HHIPL2: variants seen among roughly 807,000 people sequenced by gnomAD.
HHIPL2 encodes the protein HHIP-like protein 2.
A neutral mutation model predicts 61.0 loss-of-function variants in HHIPL2; 61 were observed. The ratio of observed to expected loss-of-function variants is 1.00; its 90% CI spans 0.81 to 1.24. HHIPL2 has a LOEUF of 1.24. Ranked by LOEUF, HHIPL2 falls within the 50% of genes most tolerant of loss-of-function variation. The pLI, the probability that HHIPL2 is intolerant of heterozygous loss-of-function variation, is 0.00. For synonymous variants in HHIPL2, 343 were observed against 357.4 expected (o/e 0.96, Z 0.45); for missense variants, 885 against 910.2 (o/e 0.97, Z 0.36).
intron 7 of HHIPL2, chr1:222,523,941 G>A (rs893567568): frequency 2.0e-5 from 10 of 500,790 alleles, no homozygotes; most frequent in African/African-American, 1.9e-4. Context: ...GGGCATGGTG[G>A]CAGTCAAAAC....
chr1:222,538,776 T>A lies in HHIPL2; in HGVS notation c.1451-2A>T, dbSNP rs1157261378. The stretch of plus-strand genomic sequence containing the variant: ...AAGCATAGATTGGCAGAACATCATC[T>A]GTCCAGGAGAGAGGAAAGAGAGTGA... On this transcript the variant is annotated splice_acceptor_variant, in intron 4 of 8. Transcript: ENST00000343410. LOFTEE classifies it high-confidence loss of function. 13 of 1,613,460 alleles carry A rather than the reference T, an allele frequency of 8.1e-6. No homozygotes were observed. Among genetic ancestry groups the A allele is most frequent in the Non-Finnish European group, 1.0e-5 (12 of 1,179,900 alleles).
At position 222,547,818 on chromosome 1, in the gene HHIPL2, C is replaced by T. The variant is rs61740543; in HGVS notation, c.227G>A (p.Arg76His). The T allele has an allele frequency of 1.7e-3, 2,696 of 1,614,166 alleles. 21 individuals carry two copies. The African/African-American group carries it at 0.021, about 12-fold the overall frequency. Residue 76 changes from arginine to histidine, a missense_variant, in exon 1 of 9, where the codon CGC (arginine) becomes CAC (histidine). Coordinates refer to ENST00000343410, the MANE Select transcript of HHIPL2 (RefSeq NM_024746.4). ...GTCCCAGTACCGGGCAGCGATGCGG[C>T]GGTCCTTGTGCTGATCACAGCAGCC... ...SFGCCDQHKD[R>H]RIAARYWDIM...
chr1:222,531,114 C>A (rs1571767362), intron 6 of HHIPL2, among the ~76,000 whole-genome samples: 2 of 152,240 alleles, frequency 1.3e-5, no homozygotes, highest in South Asian at 4.2e-4. Context: ...TTAACACGTG[C>A]CTAGTCTGTC....
At chr1:222,533,952 T>G (rs1659245396) in intron 5 of HHIPL2, among the ~76,000 whole-genome samples, 1 of 152,134 alleles carries the variant, frequency 6.6e-6, no homozygotes, top group African/African-American at 2.4e-5. Flanking sequence ...ATCAGTATAC[T>G]CAACAGCAGA....
chr1:222,538,520 G>T, intron 5 of HHIPL2, 128 bp downstream of exon 5: 1 of 820,220 alleles, frequency 1.2e-6, no homozygotes. Flanking sequence ...GTGGTAATAT[G>T]AGTGCATACA....
At chr1:222,546,970 G>A (rs757348522) in intron 1 of HHIPL2, among the ~76,000 whole-genome samples, 1 of 152,214 alleles carries the variant, frequency 6.6e-6, no homozygotes, top group Non-Finnish European at 1.5e-5. Flanking sequence ...GTCCTCCCCA[G>A]GCAGCCTCTT....
At chr1:222,527,280 G>A (rs1377077743) in intron 6 of HHIPL2, among the ~76,000 whole-genome samples, 1 of 152,184 alleles carries the variant, frequency 6.6e-6, no homozygotes, top group Non-Finnish European at 1.5e-5. Flanking sequence ...TGGCCTAGCA[G>A]AGGCAATTTC....
chr1:222,526,844 G>T, intron 7 of HHIPL2, 125 bp downstream of exon 7: 3 of 650,902 alleles, frequency 4.6e-6, no homozygotes, highest in Non-Finnish European at 8.0e-6. Flanking sequence ...GCCATTATTT[G>T]TCCAAACTGC....
chr1:222,534,305 C>T (rs1485355636), intron 5 of HHIPL2, among the ~76,000 whole-genome samples: 2 of 152,140 alleles, frequency 1.3e-5, no homozygotes, highest in Non-Finnish European at 2.9e-5. Context: ...GAGAATACAA[C>T]CCATAATAAA....
chr1:222,536,897 A>AT (rs66516863), intron 5 of HHIPL2, among the ~76,000 whole-genome samples: 4 of 135,456 alleles, frequency 3.0e-5, no homozygotes, highest in East Asian at 2.2e-4. Flanking sequence ...AAAAAAAAAA[A>AT]TTTTTTTTAA....
At chr1:222,534,264 A>G (rs971330790) in intron 5 of HHIPL2, among the ~76,000 whole-genome samples, 2 of 152,250 alleles carry the variant, frequency 1.3e-5, no homozygotes, top group African/African-American at 4.8e-5. Flanking sequence ...CTGGCATCCA[A>G]TCAAAAATTG....
chr1:222,539,535 A>G (rs1659380660), intron 4 of HHIPL2, among the ~76,000 whole-genome samples: 1 of 149,998 alleles, frequency 6.7e-6, no homozygotes, highest in Non-Finnish European at 1.5e-5. Context: ...TCTAAAAAAA[A>G]AAAAAAAAAA....
intron 5 of HHIPL2, among the ~76,000 whole-genome samples, chr1:222,536,178 A>C (rs943291095): frequency 6.6e-6 from 1 of 152,108 alleles, no homozygotes; most frequent in African/African-American, 2.4e-5. Context: ...ACATTAAAAT[A>C]ACAGGAAAAA....
Position 222,523,484 on chromosome 1 carries a change from G to A in HHIPL2, c.1888+128C>T, listed in dbSNP as rs1395932873. On this transcript the variant is annotated intron_variant, in intron 8 of 8. Coordinates refer to ENST00000343410, the MANE Select transcript of HHIPL2 (RefSeq NM_024746.4). ...CATAACTCCTCTGTTATGCAGAGGAGACGTATAGACTTAGTTTCCCTCAGG... is the reference window on the plus strand; with the variant it reads ...CATAACTCCTCTGTTATGCAGAGGAAACGTATAGACTTAGTTTCCCTCAGG... The A allele has an allele frequency of 3.8e-6, 3 of 786,586 alleles. No homozygotes were observed. The Admixed American group carries it at 6.0e-5, about 16-fold the overall frequency. The allele number at this position is 786,586 out of a possible 1,614,324, so 48.7% of individuals were successfully genotyped here.
chr1:222,544,142 C>G lies in HHIPL2; in HGVS notation c.369G>C (p.Gln123His), dbSNP rs1156850437. ...GGCCCGGGAGATTCCGGAGAGGCGT[C>G]TGGGTGTTTTCGGCGTCGTAGAGGT... is the stretch of plus-strand genomic sequence containing the variant. The part of the protein sequence containing the change: ...AAHLYDAENT[Q>H]TPLRNLPGLC... The change falls in exon 2 of 9, where the codon CAG (glutamine) becomes CAC (histidine). Residue 123 changes from glutamine (Q) to histidine (H), a missense_variant. Coordinates refer to ENST00000343410, the MANE Select transcript of HHIPL2 (RefSeq NM_024746.4). 2.5e-6 allele frequency: 4 copies of G among 1,613,818 alleles called. No homozygotes were observed. Among genetic ancestry groups the G allele is most frequent in the Non-Finnish European group, 3.4e-6 (4 of 1,180,036 alleles).
intron 5 of HHIPL2, among the ~76,000 whole-genome samples, chr1:222,536,584 C>T (rs1659306620): frequency 6.6e-6 from 1 of 152,218 alleles, no homozygotes; most frequent in South Asian, 2.1e-4. Context: ...ACCTATTTTA[C>T]ACAAACTCTT....
chr1:222,523,643 C>A lies in HHIPL2; in HGVS notation c.1857G>T (p.Lys619Asn). Residue 619 changes from lysine (K) to asparagine (N), a missense_variant, in exon 8 of 9, where the codon AAG becomes AAT. Physicochemically the swap from Lys to Asn is moderately conservative, Grantham distance 94. Coordinates refer to ENST00000343410, the MANE Select transcript of HHIPL2 (RefSeq NM_024746.4). ...CKYKPVPVRT[K>N]SKRIPFRPLA... ...GTGGTCTGAACGGGATCCGCTTACT[C>A]TTGGTTCTCACGGGCACTGGCTTGT... 1 of 1,614,202 alleles carries A rather than the reference C, an allele frequency of 6.2e-7. No individual in the cohort carries two copies. Among genetic ancestry groups the A allele is most frequent in the Non-Finnish European group, 8.5e-7 (1 of 1,180,034 alleles).
intron 6 of HHIPL2, among the ~76,000 whole-genome samples, chr1:222,528,308 A>G (rs1250667313): frequency 1.3e-5 from 2 of 152,178 alleles, no homozygotes; most frequent in Non-Finnish European, 2.9e-5. Context: ...ATTCAATTAG[A>G]AAGTGTTAGA....
In HHIPL2 at chr1:222,540,235, C is replaced by G. The variant is rs188993091; in HGVS notation, c.1225G>C (p.Ala409Pro). Residue 409 changes from alanine to proline, a missense_variant, in exon 4 of 9, where the codon GCC becomes CCC. Ala to Pro is a conservative substitution (Grantham distance 27). Transcript: ENST00000343410. ...SDNPFVSEPGAHPAIYAYGIR... is the reference protein window; with the variant it reads ...SDNPFVSEPGPHPAIYAYGIR... ...CCATAGGCATAGATGGCGGGGTGGG[C>G]CCCTGGCTCAGAAACAAATGGATTG... is the stretch of plus-strand genomic sequence containing the variant. 2.5e-6 allele frequency: 4 copies of G among 1,614,262 alleles called. No homozygotes were observed. In the East Asian group the frequency reaches 6.7e-5, roughly 27 times the overall value.
Sources: gnomAD v4.1 joint callset for allele counts (sites outside exome capture counted in the v4.1 genomes callset) on GRCh38, gnomAD v4.1.1 for gene constraint, MANE v1.5 for transcripts, NCBI Gene and HGNC (gene_info 2026-07-23, HGNC 2026-07-21) for gene names.